COL19A1: variants seen among roughly 807,000 people sequenced by gnomAD.
The protein encoded by COL19A1 is collagen type XIX alpha 1 chain.
COL19A1 carries 159 observed loss-of-function variants against 190.2 expected under a neutral mutation model. The observed-to-expected ratio is 0.84, with a 90% CI of 0.73 to 0.95. COL19A1 has a LOEUF of 0.95. COL19A1 is among the 40% of genes least tolerant of loss of function. COL19A1 has a pLI of 0.00. For missense variants in COL19A1, 1,418 were observed against 1,431.9 expected (o/e 0.99, Z 0.16); for synonymous variants, 509 against 458.9 (o/e 1.11, Z -1.39).
At chr6:70,081,111 A>G (rs1406461156) in intron 15 of COL19A1, among the ~76,000 whole-genome samples, 3 of 152,178 alleles carry the variant, frequency 2.0e-5, no homozygotes, top group Non-Finnish European at 4.4e-5. Flanking sequence ...TGCGTCTAAT[A>G]TACTTTTATT....
chr6:69,972,745 C>G (rs1009811221), intron 11 of COL19A1, among the ~76,000 whole-genome samples: 2 of 152,054 alleles, frequency 1.3e-5, no homozygotes, highest in Non-Finnish European at 2.9e-5. Context: ...ATTGTTTAAC[C>G]TAGTATATTT....
intron 14 of COL19A1, among the ~76,000 whole-genome samples, chr6:70,043,380 G>C (rs1335339435): frequency 6.6e-6 from 1 of 151,986 alleles, no homozygotes; most frequent in African/African-American, 2.4e-5. Context: ...TTTTAGTAGA[G>C]ACAGGGTTTC....
chr6:70,161,124 A>G (rs1384673776), intron 34 of COL19A1, among the ~76,000 whole-genome samples: 1 of 152,140 alleles, frequency 6.6e-6, no homozygotes, highest in Non-Finnish European at 1.5e-5. Flanking sequence ...AGGGAGGGGA[A>G]ATCTATTCAT....
rs995647709 is a variant in COL19A1, at chr6:70,207,387, T to G, written c.*113T>G. On this transcript the variant is annotated 3_prime_UTR_variant, in exon 51 of 51. Coordinates refer to ENST00000620364, the MANE Select transcript of COL19A1 (RefSeq NM_001858.6). ...TGCTTTTTTTTTTTTTTTTTTTTTTTGGGAGTAAGCCAGGCATTAAAAGCA... is the reference window on the plus strand; with the variant it reads ...TGCTTTTTTTTTTTTTTTTTTTTTTGGGGAGTAAGCCAGGCATTAAAAGCA... The G allele has an allele frequency of 3.1e-5, 26 of 848,414 alleles. No homozygotes were observed. Among genetic ancestry groups the G allele is most frequent in the African/African-American group, 1.9e-4 (10 of 53,606 alleles). The allele number at this position is 848,414 out of a possible 1,614,324, so 52.6% of individuals were successfully genotyped here.
intron 14 of COL19A1, among the ~76,000 whole-genome samples, chr6:70,057,242 C>T (rs796481667): frequency 6.6e-6 from 1 of 152,112 alleles, no homozygotes; most frequent in African/African-American, 2.4e-5. Context: ...GTCAATCATA[C>T]ACCCACTTGC....
intron 14 of COL19A1, among the ~76,000 whole-genome samples, chr6:70,056,741 A>T (rs1780524283): frequency 6.6e-6 from 1 of 152,176 alleles, no homozygotes; most frequent in Admixed American, 6.6e-5. Context: ...GAAAGAAGTT[A>T]AAAAGAGACG....
chr6:70,188,239 C>A lies in COL19A1; in HGVS notation c.3021C>A (p.Gly1007=). Residue 1007 remains glycine (G), a synonymous_variant, in exon 47 of 51, where the codon GGC becomes GGA. Transcript: ENST00000620364. The stretch of plus-strand genomic sequence containing the variant: ...CTCCAGGCTCTCCAGGCATCCCTGG[C>A]ATTCCGGTAAGTAGTGCTAAGACGC... ...QGPPGSPGIP[G]IPADAVSFEE... is the part of the protein sequence containing the mutation. 1 of 1,608,330 alleles carries A rather than the reference C, an allele frequency of 6.2e-7. No individual in the cohort carries two copies. Among genetic ancestry groups the A allele is most frequent in the Non-Finnish European group, 8.5e-7 (1 of 1,178,232 alleles).
intron 12 of COL19A1, among the ~76,000 whole-genome samples, chr6:70,025,806 T>C (rs541750535): frequency 7.9e-5 from 12 of 152,210 alleles, no homozygotes; most frequent in Non-Finnish European, 1.5e-4. Flanking sequence ...AAAATATAAG[T>C]AATTAGAGTC....
At position 70,212,230 on chromosome 6, in the gene COL19A1, A is replaced by C. The variant is rs1768247112; in HGVS notation, c.*4956A>C. Among the ~76,000 whole-genome samples, 1 of 152,174 alleles carries C rather than the reference A, an allele frequency of 6.6e-6. No individual in the cohort carries two copies. Among genetic ancestry groups the C allele is most frequent in the South Asian group, 2.1e-4 (1 of 4,828 alleles). On this transcript the variant is annotated 3_prime_UTR_variant, in exon 51 of 51. Transcript: ENST00000620364. ...GTTGTATTGGGTGTATTTTACAACT[A>C]TTTATTTTTAAATAACATTTAGGGT... is the stretch of plus-strand genomic sequence containing the variant.
chr6:69,872,182 T>C (rs1440271640), intron 1 of COL19A1, among the ~76,000 whole-genome samples: 2 of 152,302 alleles, frequency 1.3e-5, no homozygotes, highest in Non-Finnish European at 2.9e-5. Context: ...TTTAACTCTT[T>C]AGTGTCTCTC....
intron 15 of COL19A1, among the ~76,000 whole-genome samples, chr6:70,071,236 A>T (rs1217637963): frequency 6.8e-6 from 1 of 146,678 alleles, no homozygotes; most frequent in African/African-American, 2.5e-5. Flanking sequence ...ATTATGAAAG[A>T]CATAGGATTC....
chr6:70,167,907 T>C (rs144244487), intron 37 of COL19A1, 118 bp from the exon 38 acceptor site: 66 of 700,936 alleles, frequency 9.4e-5, no homozygotes, highest in African/African-American at 9.0e-4. Context: ...CTTTGTAAAA[T>C]AGAATAGAAA....
intron 11 of COL19A1, among the ~76,000 whole-genome samples, chr6:70,016,777 T>C (rs1398547008): frequency 6.6e-6 from 1 of 151,998 alleles, no homozygotes; most frequent in African/African-American, 2.4e-5. Flanking sequence ...GAGGAAATGA[T>C]CATTAATCAT....
At chr6:69,878,389 T>G (rs1364677070) in intron 1 of COL19A1, among the ~76,000 whole-genome samples, 1 of 151,938 alleles carries the variant, frequency 6.6e-6, no homozygotes, top group East Asian at 1.9e-4. Context: ...AATTTTTTTA[T>G]ATTTTTAGTA....
At chr6:70,050,459 G>C (rs1193704586) in intron 14 of COL19A1, among the ~76,000 whole-genome samples, 1 of 151,926 alleles carries the variant, frequency 6.6e-6, no homozygotes, top group Non-Finnish European at 1.5e-5. Flanking sequence ...TAAGAACCTT[G>C]TCTATCTTAT....
At chr6:69,902,587 C>T (rs1188859431) in intron 4 of COL19A1, among the ~76,000 whole-genome samples, 1 of 152,174 alleles carries the variant, frequency 6.6e-6, no homozygotes, top group Non-Finnish European at 1.5e-5. Context: ...TGGATAACAA[C>T]GCAGTAACCA....
intron 15 of COL19A1, among the ~76,000 whole-genome samples, chr6:70,094,179 C>G (rs1301522751): frequency 1.3e-5 from 2 of 152,152 alleles, no homozygotes; most frequent in Non-Finnish European, 2.9e-5. Context: ...CATTTTTACA[C>G]ATATCATTGA....
intron 12 of COL19A1, among the ~76,000 whole-genome samples, chr6:70,033,452 T>C (rs1486669624): frequency 2.6e-5 from 4 of 152,130 alleles, no homozygotes; most frequent in Non-Finnish European, 5.9e-5. Flanking sequence ...AAGTTTTTTT[T>C]TTCTATTTAC....
In COL19A1 at chr6:69,907,795, G is replaced by C. The variant is rs118158218; in HGVS notation, c.266+7457G>C. Reference sequence around the variant, plus strand: ...TCGGTAAGTCACTGAAATGAATGCAGTCTAGTCTAGAGCTTATCCTTTTAC... The same window carrying C: ...TCGGTAAGTCACTGAAATGAATGCACTCTAGTCTAGAGCTTATCCTTTTAC... On this transcript the variant is annotated intron_variant, in intron 4 of 50. Coordinates refer to ENST00000620364, the MANE Select transcript of COL19A1 (RefSeq NM_001858.6). Among the ~76,000 whole-genome samples, 102 of 152,356 alleles carry C rather than the reference G, an allele frequency of 6.7e-4. 3 individuals are homozygous for C. The East Asian group carries it at 0.018, about 27-fold the overall frequency.
Sources: allele counts gnomAD v4.1 joint callset (sites outside exome capture counted in the v4.1 genomes callset), GRCh38; gene constraint gnomAD v4.1.1; transcripts MANE v1.5; gene names NCBI Gene and HGNC (gene_info 2026-07-23, HGNC 2026-07-21).